The following PTPRK variants were observed in gnomAD, a reference collection of about 807,000 sequenced individuals.
The protein encoded by PTPRK is receptor-type tyrosine-protein phosphatase kappa.
A neutral mutation model predicts 178.0 loss-of-function variants in PTPRK; 75 were observed. The ratio of observed to expected loss-of-function variants is 0.42; its 90% CI spans 0.35 to 0.51. PTPRK has a LOEUF of 0.51. Ranked by LOEUF, PTPRK falls within the 20% of genes least tolerant of loss-of-function variation. The probability of loss-of-function intolerance (pLI) is 0.02; values close to 1 mark genes in which losing one functional copy is unlikely to be tolerated. For missense variants in PTPRK, 1,441 were observed against 1,797.8 expected (o/e 0.80, Z 3.59); for synonymous variants, 637 against 620.6 (o/e 1.03, Z -0.39).
chr6:128,017,739 A>G (rs1562443083), intron 13 of PTPRK, among the ~76,000 whole-genome samples: 1 of 100,976 alleles, frequency 9.9e-6, no homozygotes, highest in East Asian at 2.8e-4. Flanking sequence ...CTATATATAT[A>G]ATATATAAAT....
chr6:128,392,169 G>T (rs1016102443), intron 2 of PTPRK, among the ~76,000 whole-genome samples: 1 of 152,212 alleles, frequency 6.6e-6, no homozygotes, highest in African/African-American at 2.4e-5. Context: ...GAGACATATG[G>T]CCTTAAACTA....
Position 128,147,438 on chromosome 6 carries a change from A to C in PTPRK, c.1162+36994T>G, listed in dbSNP as rs1796653067. On this transcript the variant is annotated intron_variant, in intron 7 of 29. Transcript: ENST00000368226. ...GATAGACCATCAGATTTTCATATTCAAACTCATTCATCAGTGTCTCTCTTC... is the reference window on the plus strand; with the variant it reads ...GATAGACCATCAGATTTTCATATTCCAACTCATTCATCAGTGTCTCTCTTC... Among the ~76,000 whole-genome samples the C allele has an allele frequency of 1.3e-5, 2 of 152,160 alleles. 1 individual carries two copies. The highest frequency in any genetic ancestry group is 2.9e-5 in the Non-Finnish European group (2 of 68,010).
At chr6:128,217,849 C>T (rs1809632928) in intron 6 of PTPRK, among the ~76,000 whole-genome samples, 1 of 152,104 alleles carries the variant, frequency 6.6e-6, no homozygotes, top group Admixed American at 6.6e-5. Flanking sequence ...ACAGTCTCAG[C>T]CCCAGTTTAG....
At chr6:128,120,461 A>T (rs17055316) in intron 7 of PTPRK, among the ~76,000 whole-genome samples, 11,512 of 152,096 alleles carry the variant, frequency 0.076, 555 homozygotes, top group South Asian at 0.17. Flanking sequence ...TCTATCAAAA[A>T]GACAGCATAC....
intron 7 of PTPRK, among the ~76,000 whole-genome samples, chr6:128,163,519 A>C (rs1798970468): frequency 6.6e-6 from 1 of 151,466 alleles, no homozygotes. Context: ...AAATGTTATC[A>C]CATTTGGAAT....
In PTPRK at chr6:128,311,738, G is replaced by A. The variant is rs9491937; in HGVS notation, c.495+10301C>T. Among the ~76,000 whole-genome samples, 1,121 of 152,056 alleles carry A rather than the reference G, an allele frequency of 7.4e-3. 10 individuals are homozygous for A. The highest frequency in any genetic ancestry group is 0.024 in the African/African-American group (1,013 of 41,496). ...TGGATTAGAACTCCTGGGTTCAAGC[G>A]ATCCTCCTGCCTCAGCCTCTCAAGT... is the stretch of plus-strand genomic sequence containing the variant. On this transcript the variant is annotated intron_variant, in intron 3 of 29. Coordinates refer to ENST00000368226, the MANE Select transcript of PTPRK (RefSeq NM_002844.4).
intron 1 of PTPRK, among the ~76,000 whole-genome samples, chr6:128,516,677 C>G (rs772955362): frequency 2.6e-5 from 4 of 152,130 alleles, no homozygotes; most frequent in Non-Finnish European, 4.4e-5. Context: ...GGTGACATGT[C>G]AGGAACTATA....
At chr6:128,282,333 A>G (rs1821807961) in intron 3 of PTPRK, among the ~76,000 whole-genome samples, 1 of 152,220 alleles carries the variant, frequency 6.6e-6, no homozygotes, top group Non-Finnish European at 1.5e-5. Context: ...TCAAGCTATT[A>G]TATACATGTA....
At chr6:128,343,866 T>C (rs528575990) in intron 2 of PTPRK, among the ~76,000 whole-genome samples, 22 of 152,078 alleles carry the variant, frequency 1.4e-4, no homozygotes, top group African/African-American at 5.3e-4. Context: ...CTAAGAAACA[T>C]CTGCAATTTT....
chr6:128,090,865 T>C (rs1786800368), intron 7 of PTPRK, among the ~76,000 whole-genome samples: 1 of 152,202 alleles, frequency 6.6e-6, no homozygotes, highest in South Asian at 2.1e-4. Flanking sequence ...CTTTAATTCA[T>C]TGATTTGATA....
intron 13 of PTPRK, chr6:128,062,699 T>G (rs1044300800): frequency 6.2e-6 from 1 of 160,944 alleles, no homozygotes; most frequent in African/African-American, 2.4e-5. Context: ...TTTATTATTT[T>G]AGAGACAGGG....
chr6:128,221,370 A>G (rs1198402524), intron 5 of PTPRK, among the ~76,000 whole-genome samples: 1 of 151,944 alleles, frequency 6.6e-6, no homozygotes, highest in Non-Finnish European at 1.5e-5. Flanking sequence ...TAAAAATACA[A>G]AAAATTAGCC....
chr6:128,002,146 ATATT>A (rs1219029623), intron 15 of PTPRK, among the ~76,000 whole-genome samples: 3 of 151,392 alleles, frequency 2.0e-5, no homozygotes, highest in Non-Finnish European at 4.4e-5. Flanking sequence ...ATAATTTTAA[ATATT>A]TATTTTAGTA....
chr6:128,422,765 T>C (rs73589569), intron 1 of PTPRK, among the ~76,000 whole-genome samples: 4,375 of 142,760 alleles, frequency 0.031, 194 homozygotes, highest in African/African-American at 0.11. Flanking sequence ...AAATGTCTAA[T>C]ATAATAACCT....
At chr6:128,297,696 T>C (rs1824734681) in intron 3 of PTPRK, among the ~76,000 whole-genome samples, 1 of 152,182 alleles carries the variant, frequency 6.6e-6, no homozygotes, top group Admixed American at 6.5e-5. Flanking sequence ...AGACACAGCA[T>C]ACCAGAATCT....
intron 17 of PTPRK, 36 bp downstream of exon 17, chr6:127,996,865 A>T: frequency 3.1e-6 from 5 of 1,590,122 alleles, no homozygotes; most frequent in Non-Finnish European, 4.3e-6. Flanking sequence ...TAAGCATATA[A>T]TATTTACATT....
intron 3 of PTPRK, among the ~76,000 whole-genome samples, chr6:128,277,660 G>T (rs1233713368): frequency 6.6e-6 from 1 of 152,154 alleles, no homozygotes; most frequent in African/African-American, 2.4e-5. Flanking sequence ...GTTGGGGAAA[G>T]GACGCATATT....
intron 2 of PTPRK, among the ~76,000 whole-genome samples, chr6:128,324,637 C>A (rs1829302032): frequency 6.6e-6 from 1 of 152,076 alleles, no homozygotes; most frequent in East Asian, 1.9e-4. Context: ...CTAAATGGCC[C>A]TCTTTCAATA....
At chr6:128,179,330 T>C (rs1370147195) in intron 7 of PTPRK, among the ~76,000 whole-genome samples, 1 of 151,944 alleles carries the variant, frequency 6.6e-6, no homozygotes, top group Non-Finnish European at 1.5e-5. Context: ...AACAGAAGTA[T>C]TCTCTACAGA....
Sources: allele counts gnomAD v4.1 joint callset (sites outside exome capture counted in the v4.1 genomes callset), GRCh38; gene constraint gnomAD v4.1.1; transcripts MANE v1.5; gene names NCBI Gene and HGNC (gene_info 2026-07-23, HGNC 2026-07-21).